The following MGMT variants were observed in gnomAD, a reference collection of about 807,000 sequenced individuals.
MGMT encodes the protein methylated-DNA--protein-cysteine methyltransferase.
Under a neutral mutation model 15.9 loss-of-function variants are expected in MGMT, and 14 were observed. The observed-to-expected ratio is 0.88, with a 90% CI of 0.58 to 1.37. MGMT has a LOEUF of 1.37. MGMT is among the 40% of genes most tolerant of loss of function. MGMT has a pLI of 0.00. For missense variants in MGMT, 282 were observed against 268.1 expected, an observed-to-expected ratio of 1.05 and a Z score of -0.36; for synonymous variants, 130 against 118.2, an observed-to-expected ratio of 1.10 and a Z score of -0.65.
chr10:129,550,289 CCGGCA>C (rs1222897213), intron 2 of MGMT, among the ~76,000 whole-genome samples: 16 of 151,052 alleles, frequency 1.1e-4, no homozygotes, highest in South Asian at 6.4e-4. Flanking sequence ...CCACCCAGCA[CCGGCA>C]TGTTTCACAG....
rs1210648056 is a variant in MGMT at position 129,484,906 on chromosome 10, G to GTATATATGTATGTGTGTGTGTATTA, written c.-13+17628_-13+17652dup. Among the ~76,000 whole-genome samples the GTATATATGTATGTGTGTGTGTATTA allele has an allele frequency of 5.8e-3, 887 of 151,798 alleles. 5 individuals are homozygous for GTATATATGTATGTGTGTGTGTATTA. The highest frequency in any genetic ancestry group is 9.0e-3 in the Non-Finnish European group (614 of 67,926). On this transcript the variant is annotated intron_variant, in intron 1 of 4. Coordinates refer to ENST00000651593, the MANE Select transcript of MGMT (RefSeq NM_002412.5). ...TTACTTTATAAGGGTGTGTGTATGT[G>GTATATATGTATGTGTGTGTGTATTA]TATATATGTATGTGTGTGTGTATTA...
At chr10:129,550,047 CCTTCTGCCTGTATAATAA>C (rs1316963901) in intron 2 of MGMT, among the ~76,000 whole-genome samples, 1 of 152,004 alleles carries the variant, frequency 6.6e-6, no homozygotes, top group Non-Finnish European at 1.5e-5. Flanking sequence ...AGGAGAAATC[CCTTCTGCCTGTATAATAA>C]ATGTTGTTTT....
chr10:129,591,798 G>A (rs1480182952), intron 2 of MGMT, among the ~76,000 whole-genome samples: 2 of 152,174 alleles, frequency 1.3e-5, no homozygotes, highest in East Asian at 1.9e-4. Flanking sequence ...AGGCATGGTG[G>A]TAGGCACCTG....
chr10:129,571,603 T>C (rs964243747), intron 2 of MGMT, among the ~76,000 whole-genome samples: 3 of 152,142 alleles, frequency 2.0e-5, no homozygotes, highest in Non-Finnish European at 2.9e-5. Flanking sequence ...CCCAGAGAAA[T>C]TTTGCAAGCA....
At chr10:129,558,541 T>C (rs1005094213) in intron 2 of MGMT, among the ~76,000 whole-genome samples, 2 of 151,812 alleles carry the variant, frequency 1.3e-5, no homozygotes, top group Non-Finnish European at 1.5e-5. Flanking sequence ...GGTGGGGAGG[T>C]GTGTGTGTTT....
intron 2 of MGMT, among the ~76,000 whole-genome samples, chr10:129,580,299 G>A (rs760148419): frequency 3.4e-4 from 51 of 152,176 alleles, no homozygotes; most frequent in Non-Finnish European, 5.6e-4. Flanking sequence ...AGGAGCCTTG[G>A]AAGTCGGCTT....
intron 2 of MGMT, among the ~76,000 whole-genome samples, chr10:129,671,092 ATT>A (rs1225561098): frequency 1.3e-5 from 2 of 152,190 alleles, no homozygotes; most frequent in Non-Finnish European, 2.9e-5. Flanking sequence ...CAGTTCTTTA[ATT>A]TACGAGAATT....
At chr10:129,552,538 TGAG>T (rs1465949159) in intron 2 of MGMT, among the ~76,000 whole-genome samples, 2 of 152,366 alleles carry the variant, frequency 1.3e-5, no homozygotes, top group East Asian at 3.9e-4. Flanking sequence ...GATTTCTCCA[TGAG>T]GACTGAGCCT....
At chr10:129,687,668 G>A (rs995401551) in intron 2 of MGMT, among the ~76,000 whole-genome samples, 3 of 151,382 alleles carry the variant, frequency 2.0e-5, no homozygotes, top group African/African-American at 7.3e-5. Flanking sequence ...TTTCATTGTG[G>A]GCATGTCTGG....
At chr10:129,570,954 C>G (rs1353407793) in intron 2 of MGMT, among the ~76,000 whole-genome samples, 2 of 152,170 alleles carry the variant, frequency 1.3e-5, no homozygotes, top group Admixed American at 6.5e-5. Context: ...GGTGTTTTCC[C>G]TATATCCTTG....
intron 1 of MGMT, among the ~76,000 whole-genome samples, chr10:129,475,068 G>A (rs879272752): frequency 2.0e-5 from 3 of 152,154 alleles, no homozygotes; most frequent in Non-Finnish European, 4.4e-5. Flanking sequence ...TGAGGAGGTG[G>A]CTTTCGAGTG....
At chr10:129,527,236 C>T (rs1280371353) in intron 1 of MGMT, among the ~76,000 whole-genome samples, 1 of 152,240 alleles carries the variant, frequency 6.6e-6, no homozygotes, top group African/African-American at 2.4e-5. Flanking sequence ...GCCCCTTAGA[C>T]TATGGTACTC....
intron 1 of MGMT, 136 bp from the exon 2 acceptor site, chr10:129,536,105 C>T: frequency 1.0e-6 from 1 of 958,712 alleles, no homozygotes. Context: ...GAAAATGATG[C>T]ATCGTATAAT....
At chr10:129,697,489 C>T (rs777266887) in intron 2 of MGMT, among the ~76,000 whole-genome samples, 5 of 152,150 alleles carry the variant, frequency 3.3e-5, no homozygotes, top group Non-Finnish European at 5.9e-5. Flanking sequence ...CTCCGGACCT[C>T]AGTTTCCTGT....
chr10:129,613,641 T>C (rs1846987422), intron 2 of MGMT, among the ~76,000 whole-genome samples: 2 of 152,234 alleles, frequency 1.3e-5, no homozygotes, highest in South Asian at 4.1e-4. Context: ...ACCAGTGTTT[T>C]AATAAAAAGG....
chr10:129,658,628 A>G (rs1338105611), intron 2 of MGMT, among the ~76,000 whole-genome samples: 1 of 152,226 alleles, frequency 6.6e-6, no homozygotes, highest in African/African-American at 2.4e-5. Flanking sequence ...AAGGGAGCTC[A>G]CCACATCCTG....
chr10:129,730,563 G>T (rs1032215911), intron 3 of MGMT, among the ~76,000 whole-genome samples: 3 of 152,182 alleles, frequency 2.0e-5, no homozygotes, highest in Non-Finnish European at 2.9e-5. Context: ...CAGACGCGAG[G>T]TTTGCAGGCA....
At chr10:129,682,284 A>G (rs940689331) in intron 2 of MGMT, among the ~76,000 whole-genome samples, 2 of 152,174 alleles carry the variant, frequency 1.3e-5, no homozygotes, top group Non-Finnish European at 2.9e-5. Flanking sequence ...ACTGTGGTCT[A>G]TCCATACAAT....
intron 2 of MGMT, among the ~76,000 whole-genome samples, chr10:129,638,454 A>AAAAAAAAAAAAAAAAAAAAAAAAAAC (rs1847290357): frequency 6.7e-6 from 1 of 149,786 alleles, no homozygotes; most frequent in Non-Finnish European, 1.5e-5. Context: ...AAGAAAAAAA[A>AAAAAAAAAAAAAAAAAAAAAAAAAAC]AAGAAAAATA....
Sources: allele counts gnomAD v4.1 joint callset (sites outside exome capture counted in the v4.1 genomes callset), GRCh38; gene constraint gnomAD v4.1.1; transcripts MANE v1.5; gene names NCBI Gene and HGNC (gene_info 2026-07-23, HGNC 2026-07-21).